Variants in SOX5 observed in about 807,000 individuals in gnomAD.
SOX5 encodes SRY-box transcription factor 5, also known as transcription factor SOX-5.
Under a neutral mutation model 92.0 loss-of-function variants are expected in SOX5, and 9 were observed. The observed-to-expected ratio is 0.10, with a 90% confidence interval of 0.06 to 0.17. The LOEUF (loss-of-function observed/expected upper bound fraction) is 0.17. SOX5 is among the 10% of genes least tolerant of loss of function. SOX5 has a pLI of 1.00. For synonymous variants in SOX5, 344 were observed against 336.3 expected, an observed-to-expected ratio of 1.02 and a Z score of -0.25; for missense variants, 642 against 944.5, an observed-to-expected ratio of 0.68 and a Z score of 4.20.
At chr12:24,280,824 T>C (rs1945078718) in intron 2 of SOX5, among the ~76,000 whole-genome samples, 1 of 141,958 alleles carries the variant, frequency 7.0e-6, no homozygotes, top group Non-Finnish European at 1.6e-5. Context: ...ATTTACAAAG[T>C]ATTAAGGTTT....
At chr12:24,364,492 GAAC>G (rs1334263511) in intron 2 of SOX5, among the ~76,000 whole-genome samples, 3 of 127,564 alleles carry the variant, frequency 2.4e-5, no homozygotes, top group Admixed American at 1.8e-4. Context: ...AGCCAAAACT[GAAC>G]AACTTAACAT....
chr12:24,311,069 C>T (rs1469361595), intron 2 of SOX5, among the ~76,000 whole-genome samples: 1 of 152,142 alleles, frequency 6.6e-6, no homozygotes. Context: ...TAAAAAAATT[C>T]CAACCTATCT....
intron 10 of SOX5, among the ~76,000 whole-genome samples, chr12:23,573,608 A>T (rs1948703594): frequency 6.6e-6 from 1 of 152,202 alleles, no homozygotes; most frequent in South Asian, 2.1e-4. Context: ...AGTTGTTCTA[A>T]AATATGTTCA....
At chr12:23,713,015 T>G (rs1203223920) in intron 6 of SOX5, among the ~76,000 whole-genome samples, 1 of 152,214 alleles carries the variant, frequency 6.6e-6, no homozygotes, top group Non-Finnish European at 1.5e-5. Context: ...ATGATCTTAT[T>G]TGAAAATAGA....
intron 2 of SOX5, among the ~76,000 whole-genome samples, chr12:24,352,839 T>G (rs558139345): frequency 2.5e-4 from 38 of 152,256 alleles, no homozygotes; most frequent in South Asian, 4.1e-4. Context: ...AATTGCACAC[T>G]CCAGTGGTGA....
At chr12:24,463,275 C>A (rs7957437) in intron 1 of SOX5, among the ~76,000 whole-genome samples, 84,675 of 151,784 alleles carry the variant, frequency 0.56, 24,134 homozygotes, top group East Asian at 0.92. Context: ...TTATAGAAAG[C>A]AACATTTGGG....
chr12:24,142,779 G>A (rs1818853948), intron 4 of SOX5, among the ~76,000 whole-genome samples: 2 of 151,402 alleles, frequency 1.3e-5, no homozygotes, highest in South Asian at 4.2e-4. Flanking sequence ...AGGTGGAGCT[G>A]GTAAACGCCA....
chr12:23,866,285 A>C (rs942921678), intron 2 of SOX5, among the ~76,000 whole-genome samples: 3 of 152,202 alleles, frequency 2.0e-5, no homozygotes, highest in Non-Finnish European at 2.9e-5. Context: ...TGGGCTATGA[A>C]AAAAGATTCT....
intron 2 of SOX5, among the ~76,000 whole-genome samples, chr12:24,302,306 T>C (rs555537157): frequency 6.6e-6 from 1 of 152,366 alleles, no homozygotes; most frequent in South Asian, 2.1e-4. Flanking sequence ...TATCTGCTTA[T>C]ATGAATTTAA....
At chr12:23,751,240 C>T (rs1031998154) in intron 4 of SOX5, among the ~76,000 whole-genome samples, 10 of 151,804 alleles carry the variant, frequency 6.6e-5, no homozygotes, top group Admixed American at 3.9e-4. Flanking sequence ...ACATTTCCAA[C>T]CCCTTTGTAA....
chr12:24,333,785 C>G (rs1427825570), intron 2 of SOX5, among the ~76,000 whole-genome samples: 1 of 149,922 alleles, frequency 6.7e-6, no homozygotes, highest in Non-Finnish European at 1.5e-5. Flanking sequence ...GTTGTTAATG[C>G]TATTCCAATA....
chr12:23,856,660 A>G (rs955045387), intron 2 of SOX5, among the ~76,000 whole-genome samples: 1 of 152,154 alleles, frequency 6.6e-6, no homozygotes, highest in Non-Finnish European at 1.5e-5. Context: ...CAAAGGTATA[A>G]GAAAATAAAG....
At chr12:23,709,893 C>T (rs2091867091) in intron 6 of SOX5, among the ~76,000 whole-genome samples, 1 of 152,146 alleles carries the variant, frequency 6.6e-6, no homozygotes, top group Admixed American at 6.5e-5. Flanking sequence ...CATATTAATT[C>T]TAGTGTTATT....
chr12:24,110,855 C>G (rs951984787), intron 4 of SOX5, among the ~76,000 whole-genome samples: 3 of 129,736 alleles, frequency 2.3e-5, no homozygotes, highest in African/African-American at 8.7e-5. Context: ...GAGTTGAGAT[C>G]GTGCCACTGT....
Position 23,850,451 on chromosome 12 carries a change from TAAAA to T in SOX5, c.271-4262_271-4259del, listed in dbSNP as rs1183824058. On this transcript the variant is annotated intron_variant, in intron 2 of 14. Coordinates refer to ENST00000451604, the MANE Select transcript of SOX5 (RefSeq NM_006940.6). ...TACAAAAAAAAAATAAATAAATAAA[TAAAA>T]AAAAAATAAATAAAAAATAAAAAAA... Among the ~76,000 whole-genome samples, 408 of 103,158 alleles carry T rather than the reference TAAAA, an allele frequency of 4.0e-3. 1 individual carries two copies. Among genetic ancestry groups the T allele is most frequent in the Admixed American group, 7.6e-3 (62 of 8,166 alleles). 67.7% of individuals were successfully genotyped at this position (103,158 alleles called of 152,430 possible).
In SOX5 at chr12:23,530,459, T is replaced by A. The variant is rs1307531373; in HGVS notation, c.*3760A>T. On this transcript the variant is annotated 3_prime_UTR_variant, in exon 15 of 15. Transcript: ENST00000451604. ...AAATAGCTTCACCACAGAAAACTTT[T>A]TTATATTTGTTCTTTATAAGAGGAT... 1 of 147,112 alleles carries A rather than the reference T, an allele frequency of 6.8e-6. No homozygotes were observed. The highest frequency in any genetic ancestry group is 2.5e-5 in the African/African-American group (1 of 40,008). The allele number at this position is 147,112 out of a possible 1,614,324, so 9.1% of individuals were successfully genotyped here.
Position 23,799,946 on chromosome 12 carries a change from T to C in SOX5, c.482-44222A>G, listed in dbSNP as rs981097346. 3.5e-4 allele frequency among the ~76,000 whole-genome samples: 53 copies of C among 152,080 alleles called. 2 individuals are homozygous for C. ...TTAATTTTCAATAATGTAAGTTCAA[T>C]GCCAATCTTCCAAAGATATTGAGCT... On this transcript the variant is annotated intron_variant, in intron 3 of 14. Transcript: ENST00000451604.
At chr12:24,494,221 G>A (rs932886742) in intron 1 of SOX5, among the ~76,000 whole-genome samples, 6 of 152,156 alleles carry the variant, frequency 3.9e-5, no homozygotes, top group African/African-American at 1.4e-4. Context: ...AGACAGGACT[G>A]GGCAGGTAAT....
intron 11 of SOX5, among the ~76,000 whole-genome samples, chr12:23,549,487 C>A (rs1369044776): frequency 2.6e-5 from 4 of 151,942 alleles, no homozygotes; most frequent in Admixed American, 6.6e-5. Context: ...AAATCCAGCA[C>A]AGCACTTAGG....
Sources: allele counts gnomAD v4.1 joint callset (sites outside exome capture counted in the v4.1 genomes callset), GRCh38; gene constraint gnomAD v4.1.1; transcripts MANE v1.5; gene names NCBI Gene and HGNC (gene_info 2026-07-23, HGNC 2026-07-21).